Variants in PRKN observed in about 807,000 individuals in gnomAD.
PRKN encodes E3 ubiquitin-protein ligase parkin.
Under a neutral mutation model 59.5 loss-of-function variants are expected in PRKN, and 56 were observed. The ratio of observed to expected loss-of-function variants is 0.94; its 90% CI spans 0.76 to 1.18. PRKN has a LOEUF of 1.18. Among genes scored for constraint, PRKN ranks in the 50% most tolerant of loss-of-function variants. PRKN has a pLI of 0.00. For synonymous variants in PRKN, 250 were observed against 222.1 expected, an observed-to-expected ratio of 1.13 and a Z score of -1.12; for missense variants, 657 against 596.4, an observed-to-expected ratio of 1.10 and a Z score of -1.06.
chr6:162,546,414 T>C (rs1405311661), intron 1 of PRKN, among the ~76,000 whole-genome samples: 2 of 151,766 alleles, frequency 1.3e-5, no homozygotes, highest in African/African-American at 4.8e-5. Context: ...GTGTGCAGTT[T>C]TGACCTTGTT....
In PRKN at chr6:161,423,184, G is replaced by A. The variant is rs866492657; in HGVS notation, c.1084-36307C>T. Among the ~76,000 whole-genome samples, 1 of 152,120 alleles carries A rather than the reference G, an allele frequency of 6.6e-6. No homozygotes were observed. Among genetic ancestry groups the A allele is most frequent in the South Asian group, 2.1e-4 (1 of 4,830 alleles). On this transcript the variant is annotated intron_variant, in intron 9 of 11. Transcript: ENST00000366898. This position sits in a 1 kb window ranked among gnomAD's most constrained non-coding sequence, Gnocchi z 5.9. ...TTTAATGTATGCCAGCCTTGCATGG[G>A]TTTGGTTGGGACGTCCTCATCTGAG... is the stretch of plus-strand genomic sequence containing the variant.
At chr6:162,422,616 G>A (rs951864109) in intron 2 of PRKN, among the ~76,000 whole-genome samples, 1 of 152,114 alleles carries the variant, frequency 6.6e-6, no homozygotes, top group Non-Finnish European at 1.5e-5. Context: ...TCAGGTATCT[G>A]CTACTTTTAA....
chr6:161,768,694 C>G (rs1420395848), intron 7 of PRKN, among the ~76,000 whole-genome samples: 1 of 152,122 alleles, frequency 6.6e-6, no homozygotes, highest in South Asian at 2.1e-4. Context: ...ATTAGAATAC[C>G]GTGACCCCAA....
chr6:162,309,183 C>G (rs560717565), intron 2 of PRKN, among the ~76,000 whole-genome samples: 1 of 152,178 alleles, frequency 6.6e-6, no homozygotes, highest in African/African-American at 2.4e-5. Context: ...ATCACAACAA[C>G]AGAGTCTCAC....
intron 6 of PRKN, among the ~76,000 whole-genome samples, chr6:161,827,451 A>G (rs1295850284): frequency 1.3e-5 from 2 of 152,016 alleles, no homozygotes; most frequent in African/African-American, 2.4e-5. Flanking sequence ...TTTAAAAAAT[A>G]TAATCATTTT....
At chr6:162,401,112 A>G (rs561802109) in intron 2 of PRKN, among the ~76,000 whole-genome samples, 5 of 152,134 alleles carry the variant, frequency 3.3e-5, no homozygotes, top group Non-Finnish European at 7.4e-5. Context: ...AAAACAAGGA[A>G]TAAAAAGTAT....
chr6:161,925,522 G>T (rs1257568681), intron 6 of PRKN, among the ~76,000 whole-genome samples: 2 of 152,122 alleles, frequency 1.3e-5, no homozygotes, highest in Non-Finnish European at 2.9e-5. Flanking sequence ...AGCGAGCTGA[G>T]ATCGTGCCAC....
At chr6:162,018,640 G>A (rs983988021) in intron 5 of PRKN, among the ~76,000 whole-genome samples, 11 of 152,070 alleles carry the variant, frequency 7.2e-5, no homozygotes, top group Non-Finnish European at 4.4e-5. Flanking sequence ...TGTAATGTGC[G>A]AACTGATCAT....
chr6:162,702,808 C>T (rs1258779475), intron 1 of PRKN, among the ~76,000 whole-genome samples: 1 of 152,118 alleles, frequency 6.6e-6, no homozygotes, highest in Non-Finnish European at 1.5e-5. Flanking sequence ...ATAATTACCT[C>T]AGTGTTGACA....
At chr6:161,774,723 T>A (rs563258498) in intron 7 of PRKN, among the ~76,000 whole-genome samples, 2 of 152,242 alleles carry the variant, frequency 1.3e-5, no homozygotes, top group African/African-American at 2.4e-5. Flanking sequence ...GGGAAATCAA[T>A]CTTGACCCTG....
intron 7 of PRKN, among the ~76,000 whole-genome samples, chr6:161,627,217 CT>C (rs1280245402): frequency 5.3e-5 from 8 of 152,296 alleles, no homozygotes; most frequent in Admixed American, 5.2e-4. Context: ...CTAAGATGAT[CT>C]TACCAATAAT....
intron 1 of PRKN, among the ~76,000 whole-genome samples, chr6:162,725,305 T>C (rs1268748889): frequency 2.0e-5 from 3 of 152,286 alleles, no homozygotes; most frequent in African/African-American, 7.2e-5. Context: ...TAGTGATCAC[T>C]GGATAAAGTC....
chr6:162,513,172 G>C (rs1049365046), intron 1 of PRKN, among the ~76,000 whole-genome samples: 3 of 152,052 alleles, frequency 2.0e-5, no homozygotes, highest in Admixed American at 2.0e-4. Flanking sequence ...CATGACCAAG[G>C]CAAGGAGACA....
At chr6:162,657,895 C>T (rs1778709665) in intron 1 of PRKN, among the ~76,000 whole-genome samples, 2 of 152,264 alleles carry the variant, frequency 1.3e-5, no homozygotes, top group Admixed American at 1.3e-4. Flanking sequence ...GTTTCTGCAA[C>T]TCAAAACCTA....
At chr6:162,385,985 T>C (rs971319170) in intron 2 of PRKN, among the ~76,000 whole-genome samples, 1 of 152,176 alleles carries the variant, frequency 6.6e-6, no homozygotes, top group South Asian at 2.1e-4. Flanking sequence ...AGTATAATCT[T>C]GGAAAAATCA....
At chr6:161,598,716 A>G (rs538426231) in intron 7 of PRKN, among the ~76,000 whole-genome samples, 1 of 152,348 alleles carries the variant, frequency 6.6e-6, no homozygotes, top group East Asian at 1.9e-4. Context: ...AATATATGTT[A>G]CGAAAGTATG....
At chr6:162,215,770 G>C (rs974093090) in intron 3 of PRKN, among the ~76,000 whole-genome samples, 2 of 152,122 alleles carry the variant, frequency 1.3e-5, no homozygotes, top group African/African-American at 4.8e-5. Context: ...GGGGCAGGCC[G>C]GGCGGTGGCT....
At chr6:162,323,237 AT>A (rs1410773994) in intron 2 of PRKN, among the ~76,000 whole-genome samples, 8 of 151,978 alleles carry the variant, frequency 5.3e-5, no homozygotes, top group African/African-American at 1.7e-4. Flanking sequence ...TAAAAAAAAA[AT>A]GAACTTGAAA....
chr6:162,403,948 G>GT (rs923518817), intron 2 of PRKN, among the ~76,000 whole-genome samples: 1 of 152,070 alleles, frequency 6.6e-6, no homozygotes, highest in African/African-American at 2.4e-5. Context: ...AGGCTTACCT[G>GT]TTTTTTTCAT....
Sources: allele counts gnomAD v4.1 joint callset (sites outside exome capture counted in the v4.1 genomes callset), GRCh38; gene constraint gnomAD v4.1.1; non-coding constraint Gnocchi (gnomAD v3.1); transcripts MANE v1.5; gene names NCBI Gene and HGNC (gene_info 2026-07-23, HGNC 2026-07-21).